The following PRR27 variants were observed in gnomAD, a reference collection of about 807,000 sequenced individuals.
PRR27 encodes proline rich 27.
In PRR27, 12 loss-of-function variants were observed where a neutral mutation model predicts 16.8. That is an observed-to-expected ratio of 0.71 (90% CI 0.46 to 1.16). The LOEUF (loss-of-function observed/expected upper bound fraction) is 1.16. Ranked by LOEUF, PRR27 falls within the 50% of genes most tolerant of loss-of-function variation. The pLI, the probability that PRR27 is intolerant of heterozygous loss-of-function variation, is 0.00. For synonymous variants in PRR27, 100 were observed against 98.4 expected (o/e 1.02, Z -0.10); for missense variants, 277 against 273.3 (o/e 1.01, Z -0.10).
rs6849916 is a variant in PRR27 at position 70,165,375 on chromosome 4, C to A, written c.*2714C>A. The A allele has an allele frequency of 1.3e-5, 2 of 152,068 alleles. No homozygotes were observed. Among genetic ancestry groups the A allele is most frequent in the African/African-American group, 4.8e-5 (2 of 41,422 alleles). 9.4% of individuals were successfully genotyped at this position (152,068 alleles called of 1,614,324 possible). A position where few individuals can be genotyped will look rare whatever the true frequency, so the allele number is the denominator to read the frequency against. On this transcript the variant is annotated 3_prime_UTR_variant, in exon 5 of 5. Coordinates refer to ENST00000344526, the MANE Select transcript of PRR27 (RefSeq NM_214711.4). ...AATCCAAAAGAAAACATACATGTAA[C>A]CACCACCATCTGGAAATTTCACACT...
intron 1 of PRR27, among the ~76,000 whole-genome samples, chr4:70,155,417 T>A (rs1385937897): frequency 2.0e-5 from 3 of 150,836 alleles, no homozygotes; most frequent in Admixed American, 1.3e-4. Flanking sequence ...CAGGCTGGAG[T>A]GCAGTGGCGC....
chr4:70,156,797 A>T (rs934946334), intron 2 of PRR27, among the ~76,000 whole-genome samples: 1 of 152,212 alleles, frequency 6.6e-6, no homozygotes, highest in African/African-American at 2.4e-5. Context: ...AACAATGATC[A>T]GACATATAAC....
At position 70,160,443 on chromosome 4, in the gene PRR27, C is replaced by CTCTCTCTCTGTGTGTGTGTGTG. The variant is rs1298386504; in HGVS notation, c.649-1142_649-1141insCTCTCTCTGTGTGTGTGTGTGT. Among the ~76,000 whole-genome samples the CTCTCTCTCTGTGTGTGTGTGTG allele has an allele frequency of 3.1e-3, 216 of 68,692 alleles. 1 individual carries two copies. Among genetic ancestry groups the CTCTCTCTCTGTGTGTGTGTGTG allele is most frequent in the Non-Finnish European group, 4.7e-3 (172 of 36,270 alleles). 45.1% of individuals were successfully genotyped at this position (68,692 alleles called of 152,430 possible). ...TCTCTCTCTCTCTCTCTCTCTCTCTCTGTGTGTGTGTGTGTGTGTGTGTGT... is the reference window on the plus strand; with the variant it reads ...TCTCTCTCTCTCTCTCTCTCTCTCTCTCTCTCTCTGTGTGTGTGTGTGTGTGTGTGTGTGTGTGTGTGTGTGT... On this transcript the variant is annotated intron_variant, in intron 3 of 4. Transcript: ENST00000344526.
rs776612842 is a variant in PRR27 at position 70,164,722 on chromosome 4, T to C, written c.*2061T>C. 6.6e-6 allele frequency: 1 copy of C among 152,092 alleles called. No homozygotes were observed. The highest frequency in any genetic ancestry group is 1.5e-5 in the Non-Finnish European group (1 of 67,962). 9.4% of individuals were successfully genotyped at this position (152,092 alleles called of 1,614,324 possible). A position where few individuals can be genotyped will look rare whatever the true frequency, so the allele number is the denominator to read the frequency against. ...AAAGAAGAATTTGTAAATATGACTG[T>C]ATAAGAAACAACAGAAAGATGAAGA... On this transcript the variant is annotated 3_prime_UTR_variant, in exon 5 of 5. Transcript: ENST00000344526.
In PRR27 at chr4:70,164,148, T is replaced by C. The variant is rs1473747099; in HGVS notation, c.*1487T>C. ...TTTATTTATTTGTGTATTGTCTTTG[T>C]TGTTGCCCTCATCTTATCTCCACAA... is the stretch of plus-strand genomic sequence containing the variant. On this transcript the variant is annotated 3_prime_UTR_variant, in exon 5 of 5. Coordinates refer to ENST00000344526, the MANE Select transcript of PRR27 (RefSeq NM_214711.4). 1 of 152,184 alleles carries C rather than the reference T, an allele frequency of 6.6e-6. No homozygotes were observed. The highest frequency in any genetic ancestry group is 1.5e-5 in the Non-Finnish European group (1 of 68,024). 9.4% of individuals were successfully genotyped at this position (152,184 alleles called of 1,614,324 possible). A position where few individuals can be genotyped will look rare whatever the true frequency, so the allele number is the denominator to read the frequency against.
chr4:70,158,291 AAT>A (rs1212877018), intron 2 of PRR27, 35 bp from the exon 3 acceptor site: 2 of 471,606 alleles, frequency 4.2e-6, no homozygotes, highest in Non-Finnish European at 7.1e-6. Context: ...AGACAGGACA[AAT>A]ACAATCAACT....
At chr4:70,161,699 AC>A in intron 4 of PRR27, 69 bp downstream of exon 4, 1 of 685,030 alleles carries the variant, frequency 1.5e-6, no homozygotes, top group Non-Finnish European at 2.4e-6. Context: ...ATCTGAAGCT[AC>A]CTTGGAATGT....
intron 2 of PRR27, among the ~76,000 whole-genome samples, chr4:70,157,672 C>A (rs569112800): frequency 6.6e-6 from 1 of 151,956 alleles, no homozygotes; most frequent in Admixed American, 6.6e-5. Context: ...GCGCCCGCCA[C>A]CACGCCCAGC....
chr4:70,156,727 CAT>C (rs1257407997), intron 2 of PRR27, among the ~76,000 whole-genome samples: 1 of 152,118 alleles, frequency 6.6e-6, no homozygotes, highest in East Asian at 1.9e-4. Flanking sequence ...CATAAATCAA[CAT>C]GACACTCTAG....
intron 2 of PRR27, among the ~76,000 whole-genome samples, chr4:70,157,218 C>CT (rs1161978958): frequency 6.6e-6 from 1 of 152,006 alleles, no homozygotes; most frequent in African/African-American, 2.4e-5. Flanking sequence ...AATTAAGAAG[C>CT]TTGACTGGCT....
intron 2 of PRR27, among the ~76,000 whole-genome samples, chr4:70,156,752 A>G (rs1327164024): frequency 2.6e-5 from 4 of 152,210 alleles, no homozygotes; most frequent in Non-Finnish European, 5.9e-5. Context: ...AAGAAAGCTC[A>G]AGAGACATAA....
intron 3 of PRR27, among the ~76,000 whole-genome samples, chr4:70,160,952 A>G (rs1213036160): frequency 6.6e-6 from 1 of 151,934 alleles, no homozygotes; most frequent in South Asian, 2.1e-4. Context: ...AAGCTCTAGT[A>G]GTTGTTACCT....
chr4:70,155,693 G>GCA (rs72148610), intron 1 of PRR27, among the ~76,000 whole-genome samples: 34,982 of 150,250 alleles, frequency 0.23, 4,618 homozygotes, highest in South Asian at 0.35. Context: ...ACACACAGAT[G>GCA]CACACACACA....
intron 3 of PRR27, 37 bp from the exon 4 acceptor site, chr4:70,161,549 T>C: frequency 7.5e-7 from 1 of 1,335,540 alleles, no homozygotes; most frequent in African/African-American, 1.5e-5. Flanking sequence ...GTACATTTGA[T>C]TGTTTATGAA....
At chr4:70,161,468 G>C (rs1728648191) in intron 3 of PRR27, 118 bp from the exon 4 acceptor site, 1 of 587,570 alleles carries the variant, frequency 1.7e-6, no homozygotes, top group Non-Finnish European at 3.0e-6. Flanking sequence ...GTTAAGAAGA[G>C]ATCAGCAAAA....
At chr4:70,159,917 A>G (rs1257323325) in intron 3 of PRR27, among the ~76,000 whole-genome samples, 5 of 152,076 alleles carry the variant, frequency 3.3e-5, no homozygotes, top group African/African-American at 4.8e-5. Context: ...ACCAATTGTG[A>G]GTACCAATTG....
chr4:70,162,398 T>C (rs1263206421), intron 4 of PRR27, among the ~76,000 whole-genome samples: 10 of 152,220 alleles, frequency 6.6e-5, no homozygotes, highest in Admixed American at 6.5e-4. Flanking sequence ...AGATATCCAT[T>C]TTTAGTTAAA....
At position 70,158,795 on chromosome 4, in the gene PRR27, G is replaced by A. The variant is rs1728562802; in HGVS notation, c.543G>A (p.Glu181=). The A allele has an allele frequency of 6.2e-7, 1 of 1,612,932 alleles. No homozygotes were observed. Among genetic ancestry groups the A allele is most frequent in the Non-Finnish European group, 8.5e-7 (1 of 1,179,228 alleles). Residue 181 remains glutamate (E), a synonymous_variant, in exon 3 of 5, where the codon GAG becomes GAA. Transcript: ENST00000344526. The part of the protein sequence containing the change: ...EAPVAAEPAA[E]APVGVEPAAE... Reference sequence around the variant, plus strand: ...CTGTTGCAGCTGAGCCTGCTGCAGAGGCACCTGTTGGAGTGGAGCCAGCTG... The same window carrying A: ...CTGTTGCAGCTGAGCCTGCTGCAGAAGCACCTGTTGGAGTGGAGCCAGCTG...
At chr4:70,162,502 A>G (rs1728671032) in intron 4 of PRR27, among the ~76,000 whole-genome samples, 193 bp from the exon 5 acceptor site, 3 of 139,234 alleles carry the variant, frequency 2.2e-5, no homozygotes, top group Non-Finnish European at 4.6e-5. Flanking sequence ...TATTAGATAC[A>G]CATAATAGTT....
Sources: allele counts gnomAD v4.1 joint callset (sites outside exome capture counted in the v4.1 genomes callset), GRCh38; gene constraint gnomAD v4.1.1; transcripts MANE v1.5; gene names NCBI Gene and HGNC (gene_info 2026-07-23, HGNC 2026-07-21).